Variants in PDE10A observed in about 807,000 individuals in gnomAD.
The protein encoded by PDE10A is phosphodiesterase 10A, also known as cAMP and cAMP-inhibited cGMP 3',5'-cyclic phosphodiesterase 10A.
Under a neutral mutation model 97.7 loss-of-function variants are expected in PDE10A, and 39 were observed. That is an observed-to-expected ratio of 0.40 (90% CI 0.31 to 0.52). The LOEUF is 0.52. PDE10A is among the 20% of genes least tolerant of loss of function. PDE10A has a pLI of 0.56. For missense variants in PDE10A, 731 were observed against 1,047.8 expected (o/e 0.70, Z 4.17); for synonymous variants, 371 against 376.8 (o/e 0.98, Z 0.18).
intron 1 of PDE10A, among the ~76,000 whole-genome samples, chr6:165,736,634 A>G (rs1466066299): frequency 6.6e-6 from 1 of 152,210 alleles, no homozygotes; most frequent in Non-Finnish European, 1.5e-5. Flanking sequence ...AACATACCTA[A>G]TTTATGGGAC....
intron 3 of PDE10A, 75 bp downstream of exon 3, chr6:165,482,240 T>C (rs978842802): frequency 3.1e-6 from 3 of 974,430 alleles, no homozygotes; most frequent in African/African-American, 3.2e-5. Flanking sequence ...TTTAATGTGT[T>C]AGAGTACTGA....
intron 1 of PDE10A, among the ~76,000 whole-genome samples, chr6:165,779,764 G>GTC (rs1432762591): frequency 6.6e-6 from 1 of 152,132 alleles, no homozygotes; most frequent in African/African-American, 2.4e-5. Context: ...TGCAGCTCCT[G>GTC]TCTCCCAGGG....
At chr6:165,450,184 C>G (rs1791181949) in intron 4 of PDE10A, 58 bp downstream of exon 4, 2 of 1,272,848 alleles carry the variant, frequency 1.6e-6, no homozygotes, top group Non-Finnish European at 2.1e-6. Context: ...GTTTTTGCTG[C>G]TTTTTGTAAA....
intron 18 of PDE10A, among the ~76,000 whole-genome samples, chr6:165,369,987 A>T (rs186202390): frequency 1.0e-4 from 13 of 124,794 alleles, no homozygotes; most frequent in African/African-American, 4.3e-4. Context: ...CTAAGCTTCA[A>T]AAGTGAAGGA....
At chr6:165,595,662 A>G (rs1786542733) in intron 1 of PDE10A, among the ~76,000 whole-genome samples, 1 of 152,206 alleles carries the variant, frequency 6.6e-6, no homozygotes, top group Admixed American at 6.5e-5. Context: ...AGACTGGATA[A>G]TCTAGGAACA....
chr6:165,419,204 A>T (rs1321381135), intron 10 of PDE10A, among the ~76,000 whole-genome samples: 1 of 152,190 alleles, frequency 6.6e-6, no homozygotes, highest in Non-Finnish European at 1.5e-5. Flanking sequence ...ACCACCACTC[A>T]TTCTGATTAG....
chr6:165,922,976 C>T (rs1256077234), intron 1 of PDE10A, among the ~76,000 whole-genome samples: 1 of 152,166 alleles, frequency 6.6e-6, no homozygotes, highest in East Asian at 1.9e-4. Context: ...CCTCCAAGCC[C>T]TGAGATTAAA....
chr6:165,567,993 C>CCTTTTTTTTTTTTTTTTTTTTTTTTTTTT (rs370865492), intron 1 of PDE10A, among the ~76,000 whole-genome samples: 1 of 115,602 alleles, frequency 8.7e-6, no homozygotes, highest in Non-Finnish European at 1.7e-5. Flanking sequence ...CGCAACAAGG[C>CCTTTTTTTTTTTTTTTTTTTTTTTTTTTT]ATTTTTTTTT....
rs139117187 is a variant in PDE10A, at chr6:165,711,755, C to G, written c.-614-168187G>C. ...AACCCAGGAACTGTGCTAATTCACT[C>G]GTCAGACCAGCGAACCTCAAATGCA... On this transcript the variant is annotated intron_variant, in intron 1 of 19. Transcript: ENST00000366882. The surrounding 1 kb of genome is among the most constrained non-coding windows in gnomAD (Gnocchi z 4.5). Among the ~76,000 whole-genome samples the G allele has an allele frequency of 9.2e-5, 14 of 152,272 alleles. No homozygotes were observed. The highest frequency in any genetic ancestry group is 2.9e-4 in the African/African-American group (12 of 41,562).
At chr6:165,886,396 G>T (rs1364124757) in intron 1 of PDE10A, among the ~76,000 whole-genome samples, 5 of 151,832 alleles carry the variant, frequency 3.3e-5, no homozygotes, top group African/African-American at 1.2e-4. Flanking sequence ...AGAAGCCCTG[G>T]AGCCCTGCAG....
At chr6:165,576,561 A>C in intron 1 of PDE10A, 1 of 695,484 alleles carries the variant, frequency 1.4e-6, no homozygotes, top group South Asian at 1.6e-5. Flanking sequence ...CAAAACAAAA[A>C]AATCAAATAA....
intron 1 of PDE10A, among the ~76,000 whole-genome samples, chr6:165,546,664 G>A (rs1783758126): frequency 6.6e-6 from 1 of 152,104 alleles, no homozygotes; most frequent in African/African-American, 2.4e-5. Flanking sequence ...AGAGGGTACA[G>A]TTTGACACTG....
intron 2 of PDE10A, among the ~76,000 whole-genome samples, chr6:165,489,700 A>G (rs1780115270): frequency 6.6e-6 from 1 of 152,180 alleles, no homozygotes; most frequent in Admixed American, 6.5e-5. Flanking sequence ...AAAAAAAATG[A>G]CACAGGATAT....
At chr6:165,883,558 T>A (rs369675957) in intron 1 of PDE10A, among the ~76,000 whole-genome samples, 5,056 of 128,762 alleles carry the variant, frequency 0.039, 284 homozygotes, top group African/African-American at 0.14. Flanking sequence ...AAAAAATAAA[T>A]AAAAATAAAA....
rs1301375882 is a variant in PDE10A, at chr6:165,691,196, T to A, written c.-614-147628A>T. 6.4e-3 allele frequency among the ~76,000 whole-genome samples: 361 copies of A among 56,286 alleles called. 12 individuals carry two copies. The highest frequency in any genetic ancestry group is 0.019 in the African/African-American group (232 of 11,948). The allele number at this position is 56,286 out of a possible 152,430, so 36.9% of individuals were successfully genotyped here. A position where few individuals can be genotyped will look rare whatever the true frequency, so the allele number is the denominator to read the frequency against. On this transcript the variant is annotated intron_variant, in intron 1 of 19. Coordinates refer to the PDE10A transcript ENST00000366882. Reference sequence around the variant, plus strand: ...TTCTCTCTCTCTCTCTCCCTCTCTCTCTCTCCCCACACACACACACACACA... The same window carrying A: ...TTCTCTCTCTCTCTCTCCCTCTCTCACTCTCCCCACACACACACACACACA...
At chr6:165,894,781 T>C (rs1781901094) in intron 1 of PDE10A, 1 of 273,954 alleles carries the variant, frequency 3.7e-6, no homozygotes. Context: ...ATATTATTTA[T>C]AGTATATTTG....
At chr6:165,572,039 G>A (rs896574961) in intron 1 of PDE10A, among the ~76,000 whole-genome samples, 5 of 152,170 alleles carry the variant, frequency 3.3e-5, no homozygotes, top group Non-Finnish European at 5.9e-5. Context: ...AATTGTGTCC[G>A]CTTATCTTTA....
intron 1 of PDE10A, among the ~76,000 whole-genome samples, chr6:165,603,000 C>A (rs537318602): frequency 7.2e-5 from 11 of 151,772 alleles, no homozygotes; most frequent in African/African-American, 2.7e-4. Context: ...CCCCACAATA[C>A]GAAAGCAAAA....
intron 1 of PDE10A, among the ~76,000 whole-genome samples, chr6:165,614,084 C>T (rs1787617890): frequency 6.6e-6 from 1 of 152,198 alleles, no homozygotes; most frequent in Admixed American, 6.5e-5. Flanking sequence ...AGACATCTCG[C>T]AAACATTTCC....
Sources: allele counts gnomAD v4.1 joint callset (sites outside exome capture counted in the v4.1 genomes callset), GRCh38; gene constraint gnomAD v4.1.1; non-coding constraint Gnocchi (gnomAD v3.1); transcripts MANE v1.5; gene names NCBI Gene and HGNC (gene_info 2026-07-23, HGNC 2026-07-21).